Variants in APH1A observed in about 807,000 individuals in gnomAD.
The protein encoded by APH1A is gamma-secretase subunit APH-1A.
APH1A carries 16 observed loss-of-function variants against 30.3 expected under a neutral mutation model. The observed-to-expected ratio is 0.53, with a 90% CI of 0.36 to 0.80. The LOEUF is 0.80. Ranked by LOEUF, APH1A falls within the 30% of genes least tolerant of loss-of-function variation. The pLI is 0.01. For missense variants in APH1A, 245 were observed against 337.8 expected, an observed-to-expected ratio of 0.73 and a Z score of 2.15; for synonymous variants, 144 against 140.1, an observed-to-expected ratio of 1.03 and a Z score of -0.20.
chr1:150,266,087 A>T lies in APH1A; in HGVS notation c.*43T>A, dbSNP rs782155978. On this transcript the variant is annotated 3_prime_UTR_variant, in exon 7 of 7. Transcript: ENST00000369109. Reference sequence around the variant, plus strand: ...AGATGGAGAAATACAGGGCGAGGACATCAGGAGGGCACCCCAGGCCCAGGG... The same window carrying T: ...AGATGGAGAAATACAGGGCGAGGACTTCAGGAGGGCACCCCAGGCCCAGGG... 6.4e-7 allele frequency: 1 copy of T among 1,559,090 alleles called. No individual in the cohort carries two copies. The highest frequency in any genetic ancestry group is 2.4e-5 in the East Asian group (1 of 41,756).
In APH1A at chr1:150,267,195, C is replaced by A; in HGVS notation, c.489G>T (p.Leu163=). 6.2e-7 allele frequency: 1 copy of A among 1,614,138 alleles called. No individual in the cohort carries two copies. The highest frequency in any genetic ancestry group is 1.1e-5 in the South Asian group (1 of 91,066). The change falls in exon 5 of 7, where the codon CTG becomes CTT. Residue 163 remains leucine, a synonymous_variant. Transcript: ENST00000369109. The part of the protein sequence containing the change: ...SPYYFLTSAF[L]TAAIILLHTF... Reference sequence around the variant, plus strand: ...TATGGAGCAGGATAATGGCTGCTGTCAGAAAGGCTGCAGGGAGGGAGATGG... The same window carrying A: ...TATGGAGCAGGATAATGGCTGCTGTAAGAAAGGCTGCAGGGAGGGAGATGG...
chr1:150,266,966 T>C (rs1553850038), intron 5 of APH1A, 109 bp downstream of exon 5: 3 of 1,518,978 alleles, frequency 2.0e-6, no homozygotes, highest in Admixed American at 2.0e-5. Context: ...CCTTTCCTCC[T>C]CCTCCCAGGT....
rs1553849914 is a variant in APH1A, at chr1:150,266,480, T to C, written c.733+53A>G. 6 of 1,611,668 alleles carry C rather than the reference T, an allele frequency of 3.7e-6. No individual in the cohort carries two copies. In the South Asian group the frequency reaches 6.6e-5, roughly 18 times the overall value. On this transcript the variant is annotated intron_variant, in intron 6 of 6. Coordinates refer to ENST00000369109, the MANE Select transcript of APH1A (RefSeq NM_001077628.3). ...TGGGGCTGGGCTCAGTCATGGGCAG[T>C]GGACAGGCAGGTGGGATCTGTCAGG...
chr1:150,266,982 A>T, intron 5 of APH1A, 93 bp downstream of exon 5: 2 of 1,555,686 alleles, frequency 1.3e-6, no homozygotes, highest in East Asian at 4.5e-5. Flanking sequence ...CAGGTAAGTT[A>T]AAAATGTTAA....
At chr1:150,267,008 T>C (rs1651781330) in intron 5 of APH1A, 67 bp downstream of exon 5, 2 of 1,599,140 alleles carry the variant, frequency 1.3e-6, no homozygotes, top group African/African-American at 1.3e-5. Context: ...GAGGATACCC[T>C]TTCCCCCACA....
At position 150,267,521 on chromosome 1, in the gene APH1A, T is replaced by A. The variant is rs1421644190; in HGVS notation, c.359-43A>T. 2.5e-6 allele frequency: 4 copies of A among 1,610,222 alleles called. No homozygotes were observed. The African/African-American group carries it at 5.3e-5, about 22-fold the overall frequency. On this transcript the variant is annotated intron_variant, in intron 3 of 6. Coordinates refer to ENST00000369109, the MANE Select transcript of APH1A (RefSeq NM_001077628.3). Reference sequence around the variant, plus strand: ...CTCATCAATGTCAGAGATCACACTATTGCCTGTTCACCACTGACCCCTCCC... The same window carrying A: ...CTCATCAATGTCAGAGATCACACTAATGCCTGTTCACCACTGACCCCTCCC...
intron 1 of APH1A, 148 bp from the exon 2 acceptor site, chr1:150,268,275 C>T: frequency 1.2e-6 from 1 of 842,608 alleles, no homozygotes; most frequent in Non-Finnish European, 1.8e-6. Context: ...ACTGTCTCCA[C>T]CAAGAGACTC....
chr1:150,267,680 C>T, intron 3 of APH1A, 36 bp downstream of exon 3: 1 of 1,597,228 alleles, frequency 6.3e-7, no homozygotes, highest in Non-Finnish European at 8.6e-7. Flanking sequence ...AGGGGGCTGT[C>T]CAACTCCCTC....
chr1:150,267,567 T>C (rs1651838034), intron 3 of APH1A, 89 bp from the exon 4 acceptor site: 2 of 1,587,552 alleles, frequency 1.3e-6, no homozygotes, highest in African/African-American at 2.7e-5. Flanking sequence ...TACAATTCTT[T>C]CACATCTACT....
intron 3 of APH1A, 112 bp from the exon 4 acceptor site, chr1:150,267,590 C>A (rs1651839147): frequency 6.3e-7 from 1 of 1,581,780 alleles, no homozygotes; most frequent in South Asian, 1.1e-5. Context: ...CCCTCCAGAC[C>A]AACTTTCTTT....
chr1:150,268,943 C>G lies in APH1A; in HGVS notation c.-133G>C. On this transcript the variant is annotated 5_prime_UTR_variant, in exon 1 of 7. Transcript: ENST00000369109. ...CGCGGTGCAATGTCACCCCCAGACC[C>G]CGGGGAAGGGGAAGGGGGGGAACCG... 2 of 713,494 alleles carry G rather than the reference C, an allele frequency of 2.8e-6. No homozygotes were observed. The highest frequency in any genetic ancestry group is 2.8e-5 in the East Asian group (1 of 36,076). 44.2% of individuals were successfully genotyped at this position (713,494 alleles called of 1,614,324 possible).
Position 150,265,861 on chromosome 1 carries a change from A to G in APH1A, c.*269T>C. 2.4e-6 allele frequency: 1 copy of G among 421,414 alleles called. No homozygotes were observed. The highest frequency in any genetic ancestry group is 4.3e-6 in the Non-Finnish European group (1 of 232,536). 26.1% of individuals were successfully genotyped at this position (421,414 alleles called of 1,614,324 possible). On this transcript the variant is annotated 3_prime_UTR_variant, in exon 7 of 7. Coordinates refer to ENST00000369109, the MANE Select transcript of APH1A (RefSeq NM_001077628.3). Reference sequence around the variant, plus strand: ...CCTCCTCCCTCCCCCCACCTCAAAAAAGAAAAAAAGGCAGTTTAGGGTATT... The same window carrying G: ...CCTCCTCCCTCCCCCCACCTCAAAAGAGAAAAAAAGGCAGTTTAGGGTATT...
chr1:150,267,940 C>T lies in APH1A; in HGVS notation c.284+17G>A. 6.2e-7 allele frequency: 1 copy of T among 1,613,964 alleles called. No homozygotes were observed. The highest frequency in any genetic ancestry group is 8.5e-7 in the Non-Finnish European group (1 of 1,179,930). On this transcript the variant is annotated intron_variant, in intron 2 of 6. Coordinates refer to ENST00000369109, the MANE Select transcript of APH1A (RefSeq NM_001077628.3). ...GTCCTTTGCCCCTCTCCCCTCCAGA[C>T]CACTCCATCTTCTTACTTAAGCAGC...
rs1259405106 is a variant in APH1A at position 150,266,249 on chromosome 1, CAG to C, written c.734-57_734-56del. The C allele has an allele frequency of 1.0e-5, 16 of 1,559,420 alleles. 3 individuals carry two copies. In the Admixed American group the frequency reaches 1.7e-4, roughly 17 times the overall value. ...GCAGGGTGAGAGCAGAGCACTGACA[CAG>C]GGGGAGTCCTGGACACAACAAGGGG... On this transcript the variant is annotated intron_variant, in intron 6 of 6. Coordinates refer to ENST00000369109, the MANE Select transcript of APH1A (RefSeq NM_001077628.3).
intron 5 of APH1A, 73 bp from the exon 6 acceptor site, chr1:150,266,729 T>C: frequency 6.6e-7 from 1 of 1,518,802 alleles, no homozygotes; most frequent in East Asian, 2.3e-5. Flanking sequence ...TCTCTGTACC[T>C]TTCTGACTCC....
chr1:150,268,713 A>G lies in APH1A; in HGVS notation c.98T>C (p.Ile33Thr). Residue 33 changes from isoleucine to threonine, a missense_variant, in exon 1 of 7, where the codon ATC (isoleucine) becomes ACC (threonine). Transcript: ENST00000369109. The part of the protein sequence containing the change: ...ITVAGDPLRV[I>T]ILVAGAFFWL... Reference sequence around the variant, plus strand: ...CTCTACTCACCCTGCGACCAGGATGATAACGCGAAGCGGGTCCCCAGCCAC... The same window carrying G: ...CTCTACTCACCCTGCGACCAGGATGGTAACGCGAAGCGGGTCCCCAGCCAC... 6.2e-7 allele frequency: 1 copy of G among 1,612,774 alleles called. No individual in the cohort carries two copies. Among genetic ancestry groups the G allele is most frequent in the Non-Finnish European group, 8.5e-7 (1 of 1,179,494 alleles).
rs200240863 is a variant in APH1A at position 150,266,115 on chromosome 1, C to T, written c.*15G>A. On this transcript the variant is annotated 3_prime_UTR_variant, in exon 7 of 7. Coordinates refer to ENST00000369109, the MANE Select transcript of APH1A (RefSeq NM_001077628.3). ...AGGAGGGCACCCCAGGCCCAGGGGT[C>T]CCCCCTAGGTTCCCTCAGTCCTCGG... 5.1e-6 allele frequency: 8 copies of T among 1,583,810 alleles called. No individual in the cohort carries two copies. Among genetic ancestry groups the T allele is most frequent in the Admixed American group, 1.8e-5 (1 of 55,910 alleles).
chr1:150,266,452 G>A (rs1553849897), intron 6 of APH1A, 81 bp downstream of exon 6: 3 of 1,597,208 alleles, frequency 1.9e-6, no homozygotes, highest in Non-Finnish European at 2.6e-6. Context: ...AATGGACCCG[G>A]GCTGGGGCTG....
In APH1A at chr1:150,265,870, A is replaced by G. The variant is rs1435574620; in HGVS notation, c.*260T>C. ...TCCCCCCACCTCAAAAAAGAAAAAA[A>G]GGCAGTTTAGGGTATTTATCACACC... is the stretch of plus-strand genomic sequence containing the variant. On this transcript the variant is annotated 3_prime_UTR_variant, in exon 7 of 7. Coordinates refer to ENST00000369109, the MANE Select transcript of APH1A (RefSeq NM_001077628.3). 2.1e-5 allele frequency: 9 copies of G among 438,428 alleles called. No individual in the cohort carries two copies. Among genetic ancestry groups the G allele is most frequent in the Non-Finnish European group, 3.7e-5 (9 of 242,088 alleles). The allele number at this position is 438,428 out of a possible 1,614,324, so 27.2% of individuals were successfully genotyped here. A position where few individuals can be genotyped will look rare whatever the true frequency, so the allele number is the denominator to read the frequency against.
Sources: allele counts gnomAD v4.1 joint callset, GRCh38; gene constraint gnomAD v4.1.1; transcripts MANE v1.5; gene names NCBI Gene and HGNC (gene_info 2026-07-23, HGNC 2026-07-21).